Variants in SYTL5 observed in about 807,000 individuals in gnomAD.
SYTL5 encodes synaptotagmin like 5.
SYTL5 carries 34 observed loss-of-function variants against 55.9 expected under a neutral mutation model. The observed-to-expected ratio is 0.61, with a 90% CI of 0.46 to 0.81. The LOEUF (loss-of-function observed/expected upper bound fraction) is 0.81, where lower values mean the gene tolerates loss of function less well. SYTL5 is among the 30% of genes least tolerant of loss of function. The pLI, the probability that SYTL5 is intolerant of heterozygous loss-of-function variation, is 0.00. For missense variants in SYTL5, 637 were observed against 546.7 expected (o/e 1.17, Z -1.65); for synonymous variants, 221 against 188.7 (o/e 1.17, Z -1.40).
the SYTL5 span, among the ~76,000 whole-genome samples, chrX:37,903,948 G>A: frequency 9.0e-6 from 1 of 111,018 alleles, no homozygotes; most frequent in Non-Finnish European, 1.9e-5. Context: ...TTTATTATCT[G>A]CTCTTCCCCT....
At chrX:37,958,324 T>C in the SYTL5 span, among the ~76,000 whole-genome samples, 1 of 111,688 alleles carries the variant, frequency 9.0e-6, no homozygotes, top group East Asian at 2.8e-4. Context: ...AATAGCCTTC[T>C]GGCTGTGTCA....
chrX:38,089,536 T>C lies in SYTL5; in HGVS notation c.780T>C (p.Thr260=). ...GGAGCAATGGTGTGACCCCAGGCACTCAGAGTTCACCAGCCCCAAGCACAC... is the reference window on the plus strand; with the variant it reads ...GGAGCAATGGTGTGACCCCAGGCACCCAGAGTTCACCAGCCCCAAGCACAC... ...SSRSNGVTPG[T]QSSPAPSTRT... is the part of the protein sequence containing the mutation. The change falls in exon 7 of 17, where the codon ACT becomes ACC. Residue 260 remains threonine, a synonymous_variant. Coordinates refer to ENST00000297875, the MANE Select transcript of SYTL5 (RefSeq NM_138780.3). 8.3e-7 allele frequency: 1 copy of C among 1,210,930 alleles called. No individual in the cohort carries two copies. The highest frequency in any genetic ancestry group is 1.1e-6 in the Non-Finnish European group (1 of 895,186).
chrX:38,056,373 G>C (rs1388080080), intron 3 of SYTL5, among the ~76,000 whole-genome samples: 1 of 111,935 alleles, frequency 8.9e-6, no homozygotes, highest in African/African-American at 3.2e-5. Context: ...CTGTTGATGA[G>C]CACTTAGGTT....
At chrX:37,907,047 G>A in the SYTL5 span, among the ~76,000 whole-genome samples, 955 of 111,988 alleles carry the variant, frequency 8.5e-3, 10 homozygotes, top group African/African-American at 0.03. Flanking sequence ...TGTTATTTTT[G>A]CTTAAAAGGA....
At chrX:37,971,796 C>T in the SYTL5 span, among the ~76,000 whole-genome samples, 8 of 107,933 alleles carry the variant, frequency 7.4e-5, no homozygotes, top group African/African-American at 2.7e-4. Context: ...CTTGTTTTAT[C>T]TTTATTCCGG....
At chrX:38,036,744 T>G (rs1935118313) in intron 2 of SYTL5, among the ~76,000 whole-genome samples, 1 of 112,155 alleles carries the variant, frequency 8.9e-6, no homozygotes, top group Non-Finnish European at 1.9e-5. Context: ...GTTCAAATCT[T>G]ACTTTCGGCA....
chrX:37,960,017 A>G, the SYTL5 span, among the ~76,000 whole-genome samples: 1 of 111,781 alleles, frequency 8.9e-6, no homozygotes, highest in Non-Finnish European at 1.9e-5. Flanking sequence ...CACCTGGAGC[A>G]TCTTGTGCCA....
chrX:37,963,445 C>T, the SYTL5 span, among the ~76,000 whole-genome samples: 159 of 110,478 alleles, frequency 1.4e-3, no homozygotes, highest in African/African-American at 5.0e-3. Context: ...TGTGCCAACA[C>T]GCCCGGCTTA....
the SYTL5 span, among the ~76,000 whole-genome samples, chrX:37,953,362 A>G: frequency 9.0e-6 from 1 of 111,327 alleles, no homozygotes; most frequent in Non-Finnish European, 1.9e-5. Flanking sequence ...CAGATGAGGA[A>G]CTTGAGAAGG....
At chrX:38,090,623 C>G (rs1038965412) in intron 7 of SYTL5, among the ~76,000 whole-genome samples, 1 of 111,785 alleles carries the variant, frequency 8.9e-6, no homozygotes, top group Non-Finnish European at 1.9e-5. Context: ...TTGACTCAAC[C>G]AACATTTAAT....
the SYTL5 span, among the ~76,000 whole-genome samples, chrX:37,995,994 G>A: frequency 3.6e-5 from 4 of 111,650 alleles, no homozygotes; most frequent in Middle Eastern, 9.2e-3. Context: ...TTATGCAGTC[G>A]TCAACACTAA....
At chrX:38,041,312 T>A (rs1935280742) in intron 2 of SYTL5, among the ~76,000 whole-genome samples, 1 of 112,483 alleles carries the variant, frequency 8.9e-6, no homozygotes, top group Non-Finnish European at 1.9e-5. Flanking sequence ...TTTAATACAC[T>A]ATAAATGTTT....
chrX:38,118,980 TATAC>T (rs1937538366), intron 13 of SYTL5, among the ~76,000 whole-genome samples: 1 of 102,588 alleles, frequency 9.7e-6, no homozygotes, highest in African/African-American at 3.6e-5. Flanking sequence ...TATGTACGCA[TATAC>T]ATATATATGT....
At chrX:37,914,731 A>C in the SYTL5 span, among the ~76,000 whole-genome samples, 1 of 111,816 alleles carries the variant, frequency 8.9e-6, no homozygotes, top group Non-Finnish European at 1.9e-5. Flanking sequence ...TTTTATATAC[A>C]TCAGATTTTA....
the SYTL5 span, among the ~76,000 whole-genome samples, chrX:37,998,667 G>A: frequency 4.5e-5 from 5 of 112,092 alleles, no homozygotes; most frequent in Non-Finnish European, 5.6e-5. Context: ...GCCAAGCACA[G>A]CCTGCCAGGC....
At chrX:37,900,580 A>G in the SYTL5 span, among the ~76,000 whole-genome samples, 4,050 of 112,096 alleles carry the variant, frequency 0.036, 185 homozygotes, top group African/African-American at 0.12. Context: ...CCAGGAAGAC[A>G]AGAAGGGAGA....
At chrX:37,938,433 T>C in the SYTL5 span, among the ~76,000 whole-genome samples, 6 of 112,663 alleles carry the variant, frequency 5.3e-5, no homozygotes, top group African/African-American at 1.6e-4. Flanking sequence ...CTTATTTGCA[T>C]TGAATTTTTC....
chrX:38,126,635 G>C lies in SYTL5; in HGVS notation c.2098G>C (p.Glu700Gln). 1.7e-6 allele frequency: 2 copies of C among 1,211,278 alleles called. No individual in the cohort carries two copies. ...NVDWMDSQGE[E>Q]QRLWQKMANN... ...GGATTGGATGGACTCTCAGGGGGAA[G>C]AGCAGCGCCTTTGGCAGAAGATGGC... The change falls in exon 17 of 17, where the codon GAG (glutamate) becomes CAG (glutamine). Residue 700 changes from glutamate to glutamine, a missense_variant. Physicochemically the swap from Glu to Gln is conservative, Grantham distance 29. Coordinates refer to ENST00000297875, the MANE Select transcript of SYTL5 (RefSeq NM_138780.3).
chrX:38,008,482 G>A (rs985245382), intron 1 of SYTL5, among the ~76,000 whole-genome samples: 4 of 111,494 alleles, frequency 3.6e-5, no homozygotes, highest in African/African-American at 1.3e-4. Flanking sequence ...AAAGCAGATG[G>A]TGCTTCTGTT....
Sources: allele counts gnomAD v4.1 joint callset (sites outside exome capture counted in the v4.1 genomes callset), GRCh38; gene constraint gnomAD v4.1.1; transcripts MANE v1.5; gene names NCBI Gene and HGNC (gene_info 2026-07-23, HGNC 2026-07-21).